Variants in ZC3H12B observed in about 807,000 individuals in gnomAD.
ZC3H12B encodes the protein zinc finger CCCH-type containing 12B.
Under a neutral mutation model 43.9 loss-of-function variants are expected in ZC3H12B, and 7 were observed. The ratio of observed to expected loss-of-function variants is 0.16; its 90% CI spans 0.09 to 0.30. The LOEUF is 0.30. Ranked by LOEUF, ZC3H12B falls within the 10% of genes least tolerant of loss-of-function variation. The probability of loss-of-function intolerance (pLI) is 1.00; values close to 1 mark genes in which losing one functional copy is unlikely to be tolerated. For synonymous variants in ZC3H12B, 222 were observed against 241.7 expected (o/e 0.92, Z 0.76); for missense variants, 475 against 670.2 (o/e 0.71, Z 3.22).
chrX:65,432,817 T>A (rs2067179157), intron 3 of ZC3H12B, among the ~76,000 whole-genome samples: 1 of 112,082 alleles, frequency 8.9e-6, no homozygotes, highest in African/African-American at 3.2e-5. Context: ...ACCCTCTGCA[T>A]GCAAATGTCT....
At chrX:65,123,651 T>C in the ZC3H12B span, among the ~76,000 whole-genome samples, 1 of 110,453 alleles carries the variant, frequency 9.1e-6, no homozygotes, top group Non-Finnish European at 1.9e-5. Flanking sequence ...CTATGATTTC[T>C]TTCAGCAGTG....
chrX:65,251,775 A>T, the ZC3H12B span, among the ~76,000 whole-genome samples: 1 of 111,482 alleles, frequency 9.0e-6, no homozygotes, highest in Non-Finnish European at 1.9e-5. Flanking sequence ...TGATTTTTGC[A>T]CATTGATTTT....
At chrX:65,470,700 C>T (rs1177123590) in intron 3 of ZC3H12B, among the ~76,000 whole-genome samples, 1 of 111,647 alleles carries the variant, frequency 9.0e-6, no homozygotes, top group Non-Finnish European at 1.9e-5. Context: ...GTGAGTCCCT[C>T]CTTCATAGCT....
At chrX:65,071,136 T>C in the ZC3H12B span, among the ~76,000 whole-genome samples, 4 of 110,544 alleles carry the variant, frequency 3.6e-5, no homozygotes, top group Non-Finnish European at 5.7e-5. Context: ...CGATTGCACC[T>C]GTGTTAGGTG....
chrX:65,245,439 T>C, the ZC3H12B span, among the ~76,000 whole-genome samples: 25,621 of 110,752 alleles, frequency 0.23, 7,170 homozygotes, highest in African/African-American at 0.8. Context: ...CAAAAATCCT[T>C]TAAAAAATAA....
intron 3 of ZC3H12B, among the ~76,000 whole-genome samples, chrX:65,480,974 G>A (rs1250178809): frequency 8.9e-6 from 1 of 111,819 alleles, no homozygotes; most frequent in Admixed American, 9.5e-5. Flanking sequence ...CATGAATGTG[G>A]ACAGTTCTTG....
At chrX:65,308,807 T>C in the ZC3H12B span, among the ~76,000 whole-genome samples, 1 of 111,722 alleles carries the variant, frequency 9.0e-6, no homozygotes, top group African/African-American at 3.3e-5. Context: ...CACAGAACAA[T>C]CAAATTAGAA....
At chrX:65,040,101 A>T in the ZC3H12B span, among the ~76,000 whole-genome samples, 1 of 111,623 alleles carries the variant, frequency 9.0e-6, no homozygotes, top group South Asian at 3.7e-4. Context: ...ATATTATGTG[A>T]CATTTCTTAC....
the ZC3H12B span, among the ~76,000 whole-genome samples, chrX:65,137,300 C>A: frequency 8.9e-6 from 1 of 111,739 alleles, no homozygotes; most frequent in African/African-American, 3.2e-5. Flanking sequence ...TGTGTCAAAG[C>A]AATATTTAAG....
At chrX:65,112,917 C>T in the ZC3H12B span, among the ~76,000 whole-genome samples, 1 of 111,968 alleles carries the variant, frequency 8.9e-6, no homozygotes, top group African/African-American at 3.2e-5. Context: ...CTCTAGCTGC[C>T]AGAGATAATG....
the ZC3H12B span, among the ~76,000 whole-genome samples, chrX:65,106,740 G>A: frequency 9.0e-6 from 1 of 111,089 alleles, no homozygotes; most frequent in Non-Finnish European, 1.9e-5. Flanking sequence ...AAGATGATAC[G>A]TTCAGTTTGG....
the ZC3H12B span, among the ~76,000 whole-genome samples, chrX:65,201,348 A>G: frequency 2.7e-5 from 3 of 111,559 alleles, no homozygotes; most frequent in African/African-American, 9.8e-5. Context: ...AGATGTCTAT[A>G]ATATTCTCTG....
the ZC3H12B span, among the ~76,000 whole-genome samples, chrX:65,294,468 A>G: frequency 9.0e-6 from 1 of 111,529 alleles, no homozygotes; most frequent in African/African-American, 3.2e-5. Context: ...CAAGGTATTC[A>G]GGCAACAACT....
chrX:65,178,921 G>A, the ZC3H12B span, among the ~76,000 whole-genome samples: 1 of 112,149 alleles, frequency 8.9e-6, no homozygotes, highest in Non-Finnish European at 1.9e-5. Flanking sequence ...TATACCCAAA[G>A]GATTGTAACT....
At chrX:65,278,931 G>A in the ZC3H12B span, among the ~76,000 whole-genome samples, 2 of 110,873 alleles carry the variant, frequency 1.8e-5, no homozygotes, top group Non-Finnish European at 1.9e-5. Flanking sequence ...AGTTTGCTAA[G>A]GATAATAGCC....
the ZC3H12B span, among the ~76,000 whole-genome samples, chrX:65,360,558 G>A: frequency 1.8e-5 from 2 of 111,834 alleles, no homozygotes; most frequent in Non-Finnish European, 3.8e-5. Flanking sequence ...ACAATAGCAA[G>A]GATATAGAGC....
chrX:65,318,777 G>T, the ZC3H12B span, among the ~76,000 whole-genome samples: 1 of 109,814 alleles, frequency 9.1e-6, no homozygotes, highest in African/African-American at 3.3e-5. Flanking sequence ...ACTTTTTGTT[G>T]GGATTTTTTT....
the ZC3H12B span, among the ~76,000 whole-genome samples, chrX:65,126,858 G>GT: frequency 9.3e-6 from 1 of 107,479 alleles, no homozygotes; most frequent in African/African-American, 3.4e-5. Context: ...GATTGTGATT[G>GT]TTTTTTTATT....
At chrX:65,449,379 G>A (rs1008377005) in intron 3 of ZC3H12B, among the ~76,000 whole-genome samples, 3 of 111,648 alleles carry the variant, frequency 2.7e-5, no homozygotes, top group South Asian at 3.8e-4. Context: ...AGCACATTGG[G>A]AGGCCAAGGC....
Sources: allele counts gnomAD v4.1 joint callset (sites outside exome capture counted in the v4.1 genomes callset), GRCh38; gene constraint gnomAD v4.1.1; transcripts MANE v1.5; gene names NCBI Gene and HGNC (gene_info 2026-07-23, HGNC 2026-07-21).